The following CREB5 variants were observed in gnomAD, a reference collection of about 807,000 sequenced individuals.
CREB5 encodes cyclic AMP-responsive element-binding protein 5.
In CREB5, 19 loss-of-function variants were observed where a neutral mutation model predicts 57.1. The observed-to-expected ratio is 0.33, with a 90% confidence interval of 0.23 to 0.49. The LOEUF (loss-of-function observed/expected upper bound fraction) is 0.49, where lower values mean the gene tolerates loss of function less well. Among genes scored for constraint, CREB5 ranks in the 20% least tolerant of loss-of-function variants. The probability of loss-of-function intolerance (pLI) is 0.99; values close to 1 mark genes in which losing one functional copy is unlikely to be tolerated. For synonymous variants in CREB5, 238 were observed against 238.3 expected (o/e 1.00, Z 0.01); for missense variants, 579 against 671.6 (o/e 0.86, Z 1.52).
At chr7:28,776,370 G>C (rs1393311817) in intron 7 of CREB5, among the ~76,000 whole-genome samples, 1 of 150,842 alleles carries the variant, frequency 6.6e-6, no homozygotes, top group East Asian at 1.9e-4. Context: ...AGAAAGTTAA[G>C]CGTGCTATTT....
At chr7:28,499,176 GAA>G (rs34378552) in intron 3 of CREB5, among the ~76,000 whole-genome samples, 137 of 126,206 alleles carry the variant, frequency 1.1e-3, no homozygotes, top group African/African-American at 3.5e-3. Context: ...TTCTGTGCAG[GAA>G]AAAAAAAAAA....
chr7:28,765,464 G>A (rs533356789), intron 7 of CREB5, among the ~76,000 whole-genome samples: 6 of 152,068 alleles, frequency 3.9e-5, no homozygotes, highest in Admixed American at 6.6e-5. Context: ...TTCTTTCTTC[G>A]TTTGGTATTC....
intron 8 of CREB5, among the ~76,000 whole-genome samples, chr7:28,807,652 C>A (rs1808824351): frequency 6.6e-6 from 1 of 152,106 alleles, no homozygotes; most frequent in African/African-American, 2.4e-5. Context: ...AATCATAGTG[C>A]TGCAATGTGG....
In CREB5 at chr7:28,794,502, T is replaced by C. The variant is rs1807910804; in HGVS notation, c.703-9697T>C. Among the ~76,000 whole-genome samples, 7 of 152,290 alleles carry C rather than the reference T, an allele frequency of 4.6e-5. No individual in the cohort carries two copies. The South Asian group carries it at 1.5e-3, about 32-fold the overall frequency. On this transcript the variant is annotated intron_variant, in intron 7 of 10. Coordinates refer to ENST00000357727, the MANE Select transcript of CREB5 (RefSeq NM_182898.4). ...TTTAAAATTCCCAGGGAAACTAGCA[T>C]ATAATATTTTCTAGGGCCAAATTAG...
chr7:28,315,604 T>C lies in CREB5; in HGVS notation c.-25+16163T>C, dbSNP rs1431725857. On this transcript the variant is annotated intron_variant, in intron 1 of 9. Coordinates refer to the CREB5 transcript ENST00000396299. Reference sequence around the variant, plus strand: ...ATGGGGTGTGTTTTCATTTTGTTTTTCCCTACAGTTTCAATCTTCTTTCCT... The same window carrying C: ...ATGGGGTGTGTTTTCATTTTGTTTTCCCCTACAGTTTCAATCTTCTTTCCT... Among the ~76,000 whole-genome samples, 3 of 152,252 alleles carry C rather than the reference T, an allele frequency of 2.0e-5. No homozygotes were observed. The East Asian group carries it at 5.8e-4, about 29-fold the overall frequency.
At chr7:28,472,563 C>T (rs2128583461) in intron 1 of CREB5, among the ~76,000 whole-genome samples, 1 of 152,274 alleles carries the variant, frequency 6.6e-6, no homozygotes, top group Admixed American at 6.5e-5. Flanking sequence ...GGACAACATT[C>T]TTACTTTGCG....
At chr7:28,625,400 C>G (rs949620427) in intron 5 of CREB5, among the ~76,000 whole-genome samples, 7 of 152,182 alleles carry the variant, frequency 4.6e-5, no homozygotes, top group Admixed American at 2.0e-4. Flanking sequence ...GAGTTGTTCT[C>G]TCCTATCTGC....
intron 1 of CREB5, among the ~76,000 whole-genome samples, chr7:28,347,931 G>T (rs560625137): frequency 6.6e-6 from 1 of 152,252 alleles, no homozygotes; most frequent in Non-Finnish European, 1.5e-5. Context: ...GGGAGGACTG[G>T]TGTCCTTGAG....
intron 1 of CREB5, among the ~76,000 whole-genome samples, chr7:28,462,089 C>T (rs572774786): frequency 6.6e-6 from 1 of 152,070 alleles, no homozygotes; most frequent in Non-Finnish European, 1.5e-5. Context: ...CCCCTCATAG[C>T]CCCCGGTAAC....
chr7:28,472,409 T>C (rs1158605754), intron 1 of CREB5, among the ~76,000 whole-genome samples: 1 of 152,190 alleles, frequency 6.6e-6, no homozygotes, highest in Non-Finnish European at 1.5e-5. Context: ...ATTATCTCTA[T>C]TTATAGATGA....
At chr7:28,436,893 A>G (rs1036436121) in intron 1 of CREB5, among the ~76,000 whole-genome samples, 1 of 152,146 alleles carries the variant, frequency 6.6e-6, no homozygotes, top group Non-Finnish European at 1.5e-5. Flanking sequence ...ATAAAATTCT[A>G]CAGATGGAAT....
rs995727979 is a variant in CREB5 at position 28,365,365 on chromosome 7, C to G, written c.-25+65924C>G. The stretch of plus-strand genomic sequence containing the variant: ...CAATGGAAGGTATGTTCATCCTTCA[C>G]TTGTGCTTTGGATCCCACACCCTCA... On this transcript the variant is annotated intron_variant, in intron 1 of 9. Coordinates refer to the CREB5 transcript ENST00000396299. 3.3e-5 allele frequency among the ~76,000 whole-genome samples: 5 copies of G among 152,178 alleles called. No homozygotes were observed. The East Asian group carries it at 9.6e-4, about 29-fold the overall frequency.
intron 4 of CREB5, among the ~76,000 whole-genome samples, chr7:28,558,633 GC>G (rs1274416520): frequency 2.6e-5 from 4 of 152,156 alleles, no homozygotes; most frequent in African/African-American, 7.2e-5. Flanking sequence ...AACTTAGCCA[GC>G]CCTACCCTCC....
chr7:28,422,910 A>T (rs1271455990), intron 1 of CREB5, among the ~76,000 whole-genome samples: 1 of 152,218 alleles, frequency 6.6e-6, no homozygotes, highest in East Asian at 1.9e-4. Context: ...GTAATTTAAT[A>T]GAAATTATCT....
At chr7:28,415,193 T>C (rs1426767507) in intron 1 of CREB5, among the ~76,000 whole-genome samples, 1 of 152,176 alleles carries the variant, frequency 6.6e-6, no homozygotes, top group Non-Finnish European at 1.5e-5. Context: ...GGAGTTCTTT[T>C]AGGCCTAGAG....
chr7:28,725,645 T>TTAAAAAAAAAAA (rs1554291839), intron 7 of CREB5, among the ~76,000 whole-genome samples: 1 of 112,374 alleles, frequency 8.9e-6, no homozygotes. Flanking sequence ...TATCTTTTTT[T>TTAAAAAAAAAAA]AAAAAAAAAA....
chr7:28,560,887 CGTGTGTGTGCGT>C (rs1339152421), intron 4 of CREB5, among the ~76,000 whole-genome samples: 6 of 13,114 alleles, frequency 4.6e-4, no homozygotes, highest in East Asian at 5.0e-3. Context: ...TGCGTGCGTG[CGTGTGTGTGCGT>C]GCGCGCGTGC....
At chr7:28,590,363 T>C (rs952810979) in intron 5 of CREB5, among the ~76,000 whole-genome samples, 1 of 151,468 alleles carries the variant, frequency 6.6e-6, no homozygotes, top group Non-Finnish European at 1.5e-5. Flanking sequence ...AAATGATGAG[T>C]TCATGTCCTT....
intron 1 of CREB5, among the ~76,000 whole-genome samples, chr7:28,448,197 C>T (rs1353842628): frequency 6.6e-6 from 1 of 152,204 alleles, no homozygotes; most frequent in Non-Finnish European, 1.5e-5. Flanking sequence ...TGCCCTCGAA[C>T]ATCAGACTCC....
Sources: allele counts gnomAD v4.1 joint callset (sites outside exome capture counted in the v4.1 genomes callset), GRCh38; gene constraint gnomAD v4.1.1; transcripts MANE v1.5; gene names NCBI Gene and HGNC (gene_info 2026-07-23, HGNC 2026-07-21).